Variants in SPATA3 observed in about 807,000 individuals in gnomAD.
SPATA3 encodes spermatogenesis associated 3.
A neutral mutation model predicts 5.7 loss-of-function variants in SPATA3; 6 were observed. The ratio of observed to expected loss-of-function variants is 1.06; its 90% CI spans 0.58 to 2.09. The LOEUF is 2.09. Ranked by LOEUF, SPATA3 falls within the 30% of genes most tolerant of loss-of-function variation. The probability of loss-of-function intolerance (pLI) is 0.00; values close to 1 mark genes in which losing one functional copy is unlikely to be tolerated. For missense variants in SPATA3, 155 were observed against 130.4 expected (o/e 1.19, Z -0.92); for synonymous variants, 44 against 48.4 (o/e 0.91, Z 0.37).
downstream of SPATA3, among the ~76,000 whole-genome samples, chr2:231,004,748 G>T (rs1303852380): frequency 6.6e-6 from 1 of 152,086 alleles, no homozygotes; most frequent in Non-Finnish European, 1.5e-5. Flanking sequence ...GTATTTCTGA[G>T]GCCTGGGGCA....
intron 2 of SPATA3, among the ~76,000 whole-genome samples, chr2:231,001,349 C>A (rs1391508516): frequency 6.6e-6 from 1 of 152,126 alleles, no homozygotes; most frequent in East Asian, 1.9e-4. Flanking sequence ...ATGGAAGAGG[C>A]CCTTCCACTT....
At chr2:231,001,281 A>G (rs1692344174) in intron 2 of SPATA3, among the ~76,000 whole-genome samples, 1 of 152,134 alleles carries the variant, frequency 6.6e-6, no homozygotes, top group Non-Finnish European at 1.5e-5. Context: ...GCTAGGTTAC[A>G]TGCATGGGCT....
At chr2:230,996,566 C>G (rs373418473) in intron 1 of SPATA3, 32 bp downstream of exon 1, 2 of 1,544,776 alleles carry the variant, frequency 1.3e-6, no homozygotes, top group Non-Finnish European at 1.7e-6. Context: ...GCAGTTCCAG[C>G]CTTCCTGCTG....
At chr2:231,000,935 G>C (rs1291689787) in intron 2 of SPATA3, among the ~76,000 whole-genome samples, 1 of 152,208 alleles carries the variant, frequency 6.6e-6, no homozygotes, top group African/African-American at 2.4e-5. Flanking sequence ...AGTGGCCTGT[G>C]TCATAGGCAG....
At chr2:231,007,853 G>A (rs1231888905), downstream of SPATA3, among the ~76,000 whole-genome samples, 4 of 152,132 alleles carry the variant, frequency 2.6e-5, no homozygotes, top group South Asian at 2.1e-4. Flanking sequence ...GAGTGTCAAC[G>A]AGGGAAGGAG....
intron 1 of SPATA3, among the ~76,000 whole-genome samples, chr2:230,997,745 G>T (rs188153826): frequency 6.6e-6 from 1 of 152,350 alleles, no homozygotes; most frequent in Non-Finnish European, 1.5e-5. Flanking sequence ...GCATTGGATT[G>T]TGTAGAGGGA....
At chr2:231,007,041 AAAG>A (rs1692653605), downstream of SPATA3, among the ~76,000 whole-genome samples, 1 of 152,154 alleles carries the variant, frequency 6.6e-6, no homozygotes, top group Non-Finnish European at 1.5e-5. Flanking sequence ...TGTGTGGCTG[AAAG>A]AAGGAGTGGG....
intron 6 of SPATA3, among the ~76,000 whole-genome samples, chr2:231,016,923 A>G (rs1261249104): frequency 6.6e-6 from 1 of 152,218 alleles, no homozygotes; most frequent in African/African-American, 2.4e-5. Context: ...TCACTCAGTT[A>G]AAATGTACAT....
chr2:231,002,599 GC>G, intron 2 of SPATA3, 84 bp from the exon 3 acceptor site: 1 of 754,274 alleles, frequency 1.3e-6, no homozygotes, highest in South Asian at 2.6e-5. Flanking sequence ...TCCTGAGGGG[GC>G]CACATAATTT....
chr2:231,014,487 G>A (rs1692877929), intron 6 of SPATA3, among the ~76,000 whole-genome samples: 1 of 152,156 alleles, frequency 6.6e-6, no homozygotes, highest in African/African-American at 2.4e-5. Flanking sequence ...TGAAATCCAA[G>A]AACTCGCTCT....
downstream of SPATA3, among the ~76,000 whole-genome samples, chr2:231,003,417 A>AG (rs61360603): frequency 0.36 from 55,234 of 151,950 alleles, 10,200 homozygotes; most frequent in South Asian, 0.46. Flanking sequence ...TTGAATGGAC[A>AG]GGTTTATTGA....
At chr2:231,011,637 C>T, downstream of SPATA3, among the ~76,000 whole-genome samples, 1 of 151,056 alleles carries the variant, frequency 6.6e-6, no homozygotes, top group Non-Finnish European at 1.5e-5. Flanking sequence ...AAGCCTGGCA[C>T]CCAGGCCATC....
chr2:230,996,429 C>G, intron 1 of SPATA3: 5 of 1,552,402 alleles, frequency 3.2e-6, no homozygotes, highest in Non-Finnish European at 4.4e-6. Flanking sequence ...CACCTCCCGG[C>G]AGCCAGCATT....
At chr2:231,005,448 TCAC>T (rs1363254856), downstream of SPATA3, among the ~76,000 whole-genome samples, 52 of 26,070 alleles carry the variant, frequency 2.0e-3, 1 homozygote, top group East Asian at 0.043. Context: ...ATCACCACCA[TCAC>T]CACCACCACC....
downstream of SPATA3, among the ~76,000 whole-genome samples, chr2:231,009,597 TG>T (rs1288107689): frequency 6.6e-6 from 1 of 152,222 alleles, no homozygotes; most frequent in Non-Finnish European, 1.5e-5. Context: ...ACACTGGCCT[TG>T]CATTGTGGCT....
At chr2:231,007,583 G>C (rs945969213), downstream of SPATA3, among the ~76,000 whole-genome samples, 1 of 152,230 alleles carries the variant, frequency 6.6e-6, no homozygotes, top group African/African-American at 2.4e-5. Flanking sequence ...CCAGTTACTG[G>C]GAATAGGAGG....
intron 6 of SPATA3, among the ~76,000 whole-genome samples, chr2:231,015,125 T>C (rs1056211648): frequency 2.6e-5 from 4 of 150,974 alleles, no homozygotes; most frequent in African/African-American, 9.8e-5. Flanking sequence ...GAGTCCCAAC[T>C]GAGGAGAGAG....
At chr2:231,000,961 G>T (rs1397302358) in intron 2 of SPATA3, among the ~76,000 whole-genome samples, 1 of 152,200 alleles carries the variant, frequency 6.6e-6, no homozygotes, top group Non-Finnish European at 1.5e-5. Context: ...TTAGGTTCCT[G>T]ATCTGCCTAC....
chr2:231,005,792 C>A (rs1692602969), downstream of SPATA3, among the ~76,000 whole-genome samples: 1 of 152,106 alleles, frequency 6.6e-6, no homozygotes, highest in South Asian at 2.1e-4. Flanking sequence ...ATAATCATTA[C>A]CATTTGTTAA....
Sources: gnomAD v4.1 joint callset for allele counts (sites outside exome capture counted in the v4.1 genomes callset) on GRCh38, gnomAD v4.1.1 for gene constraint, MANE v1.5 for transcripts, NCBI Gene and HGNC (gene_info 2026-07-23, HGNC 2026-07-21) for gene names.